Variants in MDN1 observed in about 807,000 individuals in gnomAD.
The protein encoded by MDN1 is midasin AAA ATPase 1.
MDN1 carries 266 observed loss-of-function variants against 669.2 expected under a neutral mutation model. That is an observed-to-expected ratio of 0.40 (90% CI 0.36 to 0.44). The LOEUF is 0.44. Among genes scored for constraint, MDN1 ranks in the 20% least tolerant of loss-of-function variants. The pLI is 1.00. For synonymous variants in MDN1, 2,385 were observed against 2,457.1 expected, an observed-to-expected ratio of 0.97 and a Z score of 0.87; for missense variants, 5,940 against 6,754.0, an observed-to-expected ratio of 0.88 and a Z score of 4.22.
At chr6:89,694,045 C>T (rs966862906) in intron 62 of MDN1, 29 bp downstream of exon 62, 1 of 1,577,554 alleles carries the variant, frequency 6.3e-7, no homozygotes, top group Non-Finnish European at 8.7e-7. Context: ...CAATAATCCC[C>T]AAAACAAATA....
Position 89,696,568 on chromosome 6 carries a change from C to T in MDN1, c.9175G>A (p.Gly3059Ser), listed in dbSNP as rs774254149. ...GAGAATATGGGTCTATTGAGATTGC[C>T]GGGGCCCTAAAGGACAAGAGAAGAG... ...SVLDSTLKGP[G>S]NLNRPIFSKC... Residue 3059 changes from glycine (G) to serine (S), a missense_variant, in exon 60 of 102, where the codon GGC becomes AGC. This residue lies in a region of MDN1 where 2,292 missense variants were observed against 2,638.3 expected (regional missense o/e 0.87). Coordinates refer to ENST00000369393, the MANE Select transcript of MDN1 (RefSeq NM_014611.3). 8.7e-6 allele frequency: 14 copies of T among 1,613,286 alleles called. No individual in the cohort carries two copies. The highest frequency in any genetic ancestry group is 4.5e-5 in the East Asian group (2 of 44,872).
intron 15 of MDN1, among the ~76,000 whole-genome samples, chr6:89,770,154 C>T (rs1818009246): frequency 6.6e-6 from 1 of 151,682 alleles, no homozygotes; most frequent in African/African-American, 2.4e-5. Context: ...ACCTGTAATC[C>T]CAGCAATTTG....
At chr6:89,764,910 GA>G (rs766403073) in intron 15 of MDN1, among the ~76,000 whole-genome samples, 4 of 152,166 alleles carry the variant, frequency 2.6e-5, no homozygotes, top group Non-Finnish European at 4.4e-5. Context: ...GGAACCTGAG[GA>G]AGAGAGTGAG....
chr6:89,695,546 A>G lies in MDN1; in HGVS notation c.9771+59T>C. ...AAAAGGGAATAAAAGGAGTAATACA[A>G]TAAGCAAACCCAGCACGTCAGGGAA... On this transcript the variant is annotated intron_variant, in intron 61 of 101. Coordinates refer to ENST00000369393, the MANE Select transcript of MDN1 (RefSeq NM_014611.3). The surrounding 1 kb of genome is among the most constrained non-coding windows in gnomAD (Gnocchi z 4.1). 1.3e-6 allele frequency: 2 copies of G among 1,524,416 alleles called. No individual in the cohort carries two copies. Among genetic ancestry groups the G allele is most frequent in the Non-Finnish European group, 1.8e-6 (2 of 1,133,994 alleles). The allele number at this position is 1,524,416 out of a possible 1,614,324, so 94.4% of individuals were successfully genotyped here.
At chr6:89,710,870 G>T in intron 49 of MDN1, 76 bp from the exon 50 acceptor site, 2 of 814,874 alleles carry the variant, frequency 2.5e-6, no homozygotes, top group Non-Finnish European at 3.9e-6. Flanking sequence ...TGATGAAAAT[G>T]TTCTACAGCT....
chr6:89,815,289 G>C (rs954243886), intron 1 of MDN1: 1 of 474,314 alleles, frequency 2.1e-6, no homozygotes, highest in African/African-American at 2.0e-5. Context: ...AGCACCTATG[G>C]GGAGCAGGAA....
Position 89,718,883 on chromosome 6 carries a change from A to T in MDN1, c.6205T>A (p.Ser2069Thr). 6.2e-7 allele frequency: 1 copy of T among 1,614,166 alleles called. No homozygotes were observed. The highest frequency in any genetic ancestry group is 1.1e-5 in the South Asian group (1 of 91,076). ...SWMVILVGPA[S>T]VGKTSLVQLL... ...TGGACCAGGCTGGTCTTGCCCACAGAGGCTGGCCCGACCAGGATGACCATC... is the reference window on the plus strand; with the variant it reads ...TGGACCAGGCTGGTCTTGCCCACAGTGGCTGGCCCGACCAGGATGACCATC... The change falls in exon 42 of 102, where the codon TCT becomes ACT. Residue 2069 changes from serine to threonine, a missense_variant. Physicochemically the swap from Ser to Thr is moderately conservative, Grantham distance 58. This residue lies in a region of MDN1 where 2,292 missense variants were observed against 2,638.3 expected (regional missense o/e 0.87). Coordinates refer to ENST00000369393, the MANE Select transcript of MDN1 (RefSeq NM_014611.3).
At chr6:89,708,362 T>C in intron 51 of MDN1, 134 bp downstream of exon 51, 1 of 1,107,944 alleles carries the variant, frequency 9.0e-7, no homozygotes, top group Non-Finnish European at 1.3e-6. Flanking sequence ...ATAAAGGCAA[T>C]CATGTCCAAC....
intron 17 of MDN1, among the ~76,000 whole-genome samples, chr6:89,761,044 T>C (rs1298688822): frequency 6.6e-6 from 1 of 152,086 alleles, no homozygotes; most frequent in Non-Finnish European, 1.5e-5. Flanking sequence ...CATGCACCTG[T>C]AGTCCCAGCT....
At chr6:89,747,605 T>A in intron 26 of MDN1, 135 bp from the exon 27 acceptor site, 9 of 1,115,966 alleles carry the variant, frequency 8.1e-6, no homozygotes, top group Non-Finnish European at 1.1e-5. Context: ...TAAGATTAAT[T>A]TTTTGGCCGG....
chr6:89,793,728 G>A (rs2128327156), intron 5 of MDN1, 34 bp downstream of exon 5: 1 of 1,571,382 alleles, frequency 6.4e-7, no homozygotes, highest in Non-Finnish European at 8.7e-7. Context: ...TTAGTAGGGG[G>A]AAGGGGACAC....
intron 29 of MDN1, among the ~76,000 whole-genome samples, chr6:89,744,283 C>CA (rs995446211): frequency 6.6e-6 from 1 of 151,984 alleles, no homozygotes; most frequent in African/African-American, 2.4e-5. Flanking sequence ...TGCAATGAAG[C>CA]AAAAAATCAT....
At chr6:89,740,211 A>G (rs960809416) in intron 32 of MDN1, 23 bp downstream of exon 32, 1 of 1,609,084 alleles carries the variant, frequency 6.2e-7, no homozygotes, top group African/African-American at 1.3e-5. Context: ...CTAGAAAGAA[A>G]ATGTGCATCA....
chr6:89,688,830 A>G lies in MDN1; in HGVS notation c.11024-22T>C, dbSNP rs758769344. ...ACTCCTGTGAAGTTAACATCACGGT[A>G]AAGTCAGTGAATTCAGTAAGTTGAT... is the stretch of plus-strand genomic sequence containing the variant. On this transcript the variant is annotated intron_variant, in intron 65 of 101. Coordinates refer to ENST00000369393, the MANE Select transcript of MDN1 (RefSeq NM_014611.3). 2.5e-6 allele frequency: 4 copies of G among 1,585,602 alleles called. No individual in the cohort carries two copies. The African/African-American group carries it at 5.4e-5, about 21-fold the overall frequency.
chr6:89,738,031 T>A (rs990458026), intron 33 of MDN1, among the ~76,000 whole-genome samples: 2 of 152,088 alleles, frequency 1.3e-5, no homozygotes, highest in South Asian at 2.1e-4. Flanking sequence ...GCCAAAAAAA[T>A]TTTTAAATAA....
chr6:89,817,662 A>T (rs1023866673), intron 1 of MDN1, among the ~76,000 whole-genome samples: 10 of 152,222 alleles, frequency 6.6e-5, no homozygotes, highest in African/African-American at 2.2e-4. Flanking sequence ...CCCAGACAAT[A>T]ACAACAGACA....
At chr6:89,773,694 G>A (rs116048520) in intron 13 of MDN1, among the ~76,000 whole-genome samples, 128 of 152,198 alleles carry the variant, frequency 8.4e-4, no homozygotes, top group African/African-American at 2.8e-3. Context: ...GCCAGGCACC[G>A]TGGCTCAGGC....
At chr6:89,803,644 C>T in intron 1 of MDN1, 90 bp from the exon 2 acceptor site, 1 of 935,594 alleles carries the variant, frequency 1.1e-6, no homozygotes, top group Non-Finnish European at 1.6e-6. Context: ...TGCAGTGGTG[C>T]AATCTCAGCT....
At chr6:89,670,149 TATATATATATATATATATATA>T (rs1275284564) in intron 83 of MDN1, among the ~76,000 whole-genome samples, 1 of 24,266 alleles carries the variant, frequency 4.1e-5, no homozygotes, top group East Asian at 4.7e-3. Flanking sequence ...CATATATATA[TATATATATATATATATATATA>T]TTTTTTTTTT....
Sources: gnomAD v4.1 joint callset for allele counts (sites outside exome capture counted in the v4.1 genomes callset) on GRCh38, gnomAD v4.1.1 for gene constraint, gnomAD v4.1.1 regional missense constraint, Gnocchi (gnomAD v3.1) non-coding constraint, MANE v1.5 for transcripts, NCBI Gene and HGNC (gene_info 2026-07-23, HGNC 2026-07-21) for gene names.